The following NOTCH2NLA variants were observed in gnomAD, a reference collection of about 807,000 sequenced individuals.
NOTCH2NLA encodes notch homolog 2 N-terminal-like protein A.
At chr1:146,159,420 AAAG>A (rs1661362144) in intron 3 of NOTCH2NLA, among the ~76,000 whole-genome samples, 1 of 150,170 alleles carries the variant, frequency 6.7e-6, no homozygotes, top group Admixed American at 6.7e-5. Flanking sequence ...AGAAAGAAAG[AAAG>A]AAAGAAAGAA....
At chr1:146,208,320 ATAT>A (rs1327780036) in intron 1 of NOTCH2NLA, among the ~76,000 whole-genome samples, 8 of 116,776 alleles carry the variant, frequency 6.9e-5, no homozygotes, top group African/African-American at 2.3e-4. Flanking sequence ...AATAACATCA[ATAT>A]TATTATTATT....
At chr1:146,185,332 A>G (rs1662708276) in intron 2 of NOTCH2NLA, among the ~76,000 whole-genome samples, 1 of 135,858 alleles carries the variant, frequency 7.4e-6, no homozygotes, top group Non-Finnish European at 1.7e-5. Flanking sequence ...CATCAAATTT[A>G]ATTACATATT....
downstream of NOTCH2NLA, chr1:146,154,006 TACACACACACACACACACACACACACAC>T (rs376685172): frequency 2.2e-5 from 2 of 91,426 alleles, no homozygotes; most frequent in Non-Finnish European, 4.5e-5. Flanking sequence ...CACAACGCCA[TACACACACACACACACACACACACACAC>T]ACACACACAC....
chr1:146,159,397 A>AAGAT (rs1275754622), intron 3 of NOTCH2NLA, among the ~76,000 whole-genome samples: 2 of 87,284 alleles, frequency 2.3e-5, no homozygotes, highest in African/African-American at 1.0e-4. Flanking sequence ...AAGAGAGAGA[A>AAGAT]AGAAAGAAAG....
intron 3 of NOTCH2NLA, among the ~76,000 whole-genome samples, chr1:146,160,014 G>T (rs1661425815): frequency 2.2e-5 from 1 of 44,742 alleles, no homozygotes; most frequent in Non-Finnish European, 4.7e-5. Context: ...GAATCTTGCA[G>T]AACACACCAA....
chr1:146,180,579 A>G (rs1662499486), intron 2 of NOTCH2NLA, among the ~76,000 whole-genome samples: 1 of 143,282 alleles, frequency 7.0e-6, no homozygotes, highest in Admixed American at 7.1e-5. Flanking sequence ...AATGTGCGGA[A>G]ATCCAATAGA....
At chr1:146,160,111 G>A (rs1430120531) in intron 3 of NOTCH2NLA, among the ~76,000 whole-genome samples, 1 of 16,480 alleles carries the variant, frequency 6.1e-5, no homozygotes, top group Non-Finnish European at 1.5e-4. Flanking sequence ...AGGCATTACT[G>A]TCATTTCCAC....
chr1:146,196,310 TTAAAAGCCTCCC>T (rs1663172322), intron 1 of NOTCH2NLA, among the ~76,000 whole-genome samples: 1 of 21,624 alleles, frequency 4.6e-5, no homozygotes. Context: ...TATCACTGGC[TTAAAAGCCTCCC>T]TTTGTTTTAG....
intron 2 of NOTCH2NLA, among the ~76,000 whole-genome samples, chr1:146,182,286 A>G (rs1553809331): frequency 7.3e-6 from 1 of 136,192 alleles, no homozygotes; most frequent in Non-Finnish European, 1.7e-5. Context: ...TTGACAGGCA[A>G]ACTGAGACTC....
chr1:146,174,390 CT>C, intron 2 of NOTCH2NLA, among the ~76,000 whole-genome samples: 1 of 75,770 alleles, frequency 1.3e-5, no homozygotes, highest in African/African-American at 9.4e-5. Flanking sequence ...TGCTGCAGCT[CT>C]GTCTTTAGCT....
At chr1:146,180,603 C>T (rs1662500638) in intron 2 of NOTCH2NLA, among the ~76,000 whole-genome samples, 1 of 143,108 alleles carries the variant, frequency 7.0e-6, no homozygotes, top group Non-Finnish European at 1.6e-5. Context: ...TTTAATTTAC[C>T]TTACGTTGGG....
intron 1 of NOTCH2NLA, among the ~76,000 whole-genome samples, chr1:146,209,579 AAC>A (rs1559390940): frequency 1.1e-5 from 1 of 93,014 alleles, no homozygotes; most frequent in African/African-American, 3.6e-5. Flanking sequence ...ATTTAGAAAA[AAC>A]ACACTGTTTT....
chr1:146,185,396 G>A (rs1222000536), intron 2 of NOTCH2NLA, among the ~76,000 whole-genome samples: 2 of 135,230 alleles, frequency 1.5e-5, no homozygotes, highest in African/African-American at 5.0e-5. Flanking sequence ...TCCCTGTAGT[G>A]AGAGGGCTTT....
At chr1:146,228,520 G>A in intron 1 of NOTCH2NLA, 189 bp downstream of exon 1, 1 of 916,646 alleles carries the variant, frequency 1.1e-6, no homozygotes, top group Non-Finnish European at 1.3e-6. Context: ...GGGAACCCCG[G>A]CGGTTGGCGG....
At chr1:146,166,069 T>TGA (rs1661733127) in intron 2 of NOTCH2NLA, among the ~76,000 whole-genome samples, 1 of 78,762 alleles carries the variant, frequency 1.3e-5, no homozygotes, top group African/African-American at 5.0e-5. Flanking sequence ...TGATTCAACT[T>TGA]ATTCCTCGTT....
chr1:146,188,087 T>G (rs1662872101), intron 2 of NOTCH2NLA, among the ~76,000 whole-genome samples: 1 of 126,588 alleles, frequency 7.9e-6, no homozygotes, highest in Non-Finnish European at 1.8e-5. Flanking sequence ...AAGTTGTAAT[T>G]ACATTCCTGG....
At chr1:146,210,634 C>T (rs1663780851) in intron 1 of NOTCH2NLA, among the ~76,000 whole-genome samples, 1 of 103,094 alleles carries the variant, frequency 9.7e-6, no homozygotes, top group Non-Finnish European at 1.9e-5. Flanking sequence ...CGCACACACA[C>T]ACAGAGTTAA....
Position 146,175,568 on chromosome 1 carries a change from TCTCA to T in NOTCH2NLA, c.39-10562_39-10559del, listed in dbSNP as rs1351255069. On this transcript the variant is annotated intron_variant, in intron 2 of 4. Transcript: ENST00000362074. ...AGGAAACAAAGACAAGTATACAATC[TCTCA>T]CTCTCACACACGTACACACACACAT... is the stretch of plus-strand genomic sequence containing the variant. Among the ~76,000 whole-genome samples, 4 of 140,532 alleles carry T rather than the reference TCTCA, an allele frequency of 2.8e-5. 1 individual carries two copies. Among genetic ancestry groups the T allele is most frequent in the Non-Finnish European group, 6.5e-5 (4 of 61,364 alleles). 92.2% of individuals were successfully genotyped at this position (140,532 alleles called of 152,430 possible).
intron 1 of NOTCH2NLA, among the ~76,000 whole-genome samples, chr1:146,195,131 G>A (rs1385341675): frequency 5.4e-5 from 6 of 111,172 alleles, no homozygotes; most frequent in African/African-American, 3.9e-5. Flanking sequence ...TAAGTTCCTG[G>A]GATATGGAAA....
Sources: gnomAD v4.1 joint callset for allele counts (sites outside exome capture counted in the v4.1 genomes callset) on GRCh38, gnomAD v4.1.1 for gene constraint, MANE v1.5 for transcripts, NCBI Gene and HGNC (gene_info 2026-07-23, HGNC 2026-07-21) for gene names.